AHNAK2: variants seen among roughly 807,000 people sequenced by gnomAD.
The protein encoded by AHNAK2 is AHNAK nucleoprotein 2.
Under a neutral mutation model 30.7 loss-of-function variants are expected in AHNAK2, and 18 were observed. That is an observed-to-expected ratio of 0.59 (90% CI 0.41 to 0.87). The LOEUF (loss-of-function observed/expected upper bound fraction) is 0.87, where lower values mean the gene tolerates loss of function less well. Among genes scored for constraint, AHNAK2 ranks in the 40% least tolerant of loss-of-function variants. AHNAK2 has a pLI of 0.00. For synonymous variants in AHNAK2, 3,590 were observed against 3,073.8 expected (o/e 1.17, Z -5.56); for missense variants, 8,604 against 7,373.0 (o/e 1.17, Z -6.11).
At chr14:104,965,545 C>T (rs754439622) in intron 1 of AHNAK2, among the ~76,000 whole-genome samples, 1 of 152,196 alleles carries the variant, frequency 6.6e-6, no homozygotes, top group Non-Finnish European at 1.5e-5. Flanking sequence ...ACCAATCTTA[C>T]GCCAACTCTG....
At position 104,956,570 on chromosome 14, in the gene AHNAK2, A is replaced by C. The variant is rs371076298; in HGVS notation, c.315+18T>G. 6.1e-5 allele frequency: 98 copies of C among 1,612,870 alleles called. No individual in the cohort carries two copies. In the African/African-American group the frequency reaches 1.3e-3, roughly 21 times the overall value. ...GGACCGACACACCTCTGTGACCCTC[A>C]GCTCCTGCTGTACCCACCTCTGGAC... On this transcript the variant is annotated intron_variant, in intron 4 of 6. Transcript: ENST00000333244.
chr14:104,968,284 G>A (rs1000435007), intron 1 of AHNAK2, among the ~76,000 whole-genome samples: 1 of 152,206 alleles, frequency 6.6e-6, no homozygotes, highest in Non-Finnish European at 1.5e-5. Context: ...AGCCGCAGAG[G>A]ACACCCACCC....
Position 104,953,797 on chromosome 14 carries a change from C to T in AHNAK2, c.1654G>A (p.Asp552Asn), listed in dbSNP as rs45448397. 7.2e-3 allele frequency: 11,678 copies of T among 1,613,990 alleles called. 103 individuals carry two copies. Among genetic ancestry groups the T allele is most frequent in the Middle Eastern group, 0.04 (243 of 6,062 alleles). Reference protein sequence around the residue: ...EPTTHAEAQGDEGDGEEGLQR... With the variant: ...EPTTHAEAQGNEGDGEEGLQR... ...AGTCCTTCCTCTCCATCTCCTTCAT[C>T]CCCCTGTGCTTCTGCATGTGTGGTT... Residue 552 changes from aspartate (D) to asparagine (N), a missense_variant, in exon 7 of 7, where the codon GAT becomes AAT. Asp to Asn is a conservative substitution (Grantham distance 23). Transcript: ENST00000333244.
rs185696724 is a variant in AHNAK2 at position 104,951,083 on chromosome 14, C to T, written c.4368G>A (p.Leu1456=). The change falls in exon 7 of 7, where the codon CTG becomes CTA. Residue 1456 remains leucine (L), a synonymous_variant. Transcript: ENST00000333244. ...CCTCGACATCCACCTCCACGCTGGG[C>T]AGAGAAACCTCCACATCAGGGGCTG... ...EVTAPDVEVS[L]PSVEVDVEAP... The T allele has an allele frequency of 3.0e-4, 319 of 1,064,994 alleles. 51 individuals are homozygous for T. In the East Asian group the frequency reaches 6.1e-3, roughly 20 times the overall value. 66.0% of individuals were successfully genotyped at this position (1,064,994 alleles called of 1,614,324 possible).
chr14:104,956,705 T>A lies in AHNAK2; in HGVS notation c.214-16A>T, dbSNP rs1898986223. On this transcript the variant is annotated splice_polypyrimidine_tract_variant and intron_variant, in intron 3 of 6. Coordinates refer to ENST00000333244, the MANE Select transcript of AHNAK2 (RefSeq NM_138420.4). ...GGGCGTCTTCCTGCAGCCACAAGTG[T>A]TGGGAGTTAGGCACCTGCCCCAGCT... The A allele has an allele frequency of 6.2e-7, 1 of 1,612,820 alleles. No homozygotes were observed. Among genetic ancestry groups the A allele is most frequent in the Admixed American group, 1.7e-5 (1 of 59,992 alleles).
intron 1 of AHNAK2, 63 bp from the exon 2 acceptor site, chr14:104,957,735 G>T: frequency 6.6e-7 from 1 of 1,514,982 alleles, no homozygotes; most frequent in South Asian, 1.2e-5. Flanking sequence ...GGGCCCGGGG[G>T]AGGGAGCCAG....
Position 104,943,543 on chromosome 14 carries a change from T to C in AHNAK2, c.11908A>G (p.Met3970Val), listed in dbSNP as rs769775383. The C allele has an allele frequency of 6.2e-7, 1 of 1,612,728 alleles. No individual in the cohort carries two copies. The highest frequency in any genetic ancestry group is 8.5e-7 in the Non-Finnish European group (1 of 1,179,450). The change falls in exon 7 of 7, where the codon ATG becomes GTG. Residue 3970 changes from methionine to valine, a missense_variant. Coordinates refer to ENST00000333244, the MANE Select transcript of AHNAK2 (RefSeq NM_138420.4). ...AACGACGGCATCTTGAACTTGGGCA[T>C]TTTGAACTTGCTGTCTTTGGCCGTC... is the stretch of plus-strand genomic sequence containing the variant. ...DMTAKDSKFKMPKFKMPSFGV... is the reference protein window; with the variant it reads ...DMTAKDSKFKVPKFKMPSFGV...
intron 1 of AHNAK2, among the ~76,000 whole-genome samples, chr14:104,967,762 AG>A (rs1452328598): frequency 6.6e-6 from 1 of 152,208 alleles, no homozygotes; most frequent in East Asian, 1.9e-4. Context: ...ACAAACAGGA[AG>A]GGGGAAATCC....
In AHNAK2 at chr14:104,962,892, C is replaced by T. The variant is rs569026325; in HGVS notation, c.56-5220G>A. Among the ~76,000 whole-genome samples the T allele has an allele frequency of 1.4e-4, 22 of 152,274 alleles. No homozygotes were observed. The South Asian group carries it at 4.4e-3, about 30-fold the overall frequency. On this transcript the variant is annotated intron_variant, in intron 1 of 6. Coordinates refer to ENST00000333244, the MANE Select transcript of AHNAK2 (RefSeq NM_138420.4). ...ATGAATCATAGAGGGGAATGTAAAACCAAAAACTATAAAACTTCTAGAAGA... is the reference window on the plus strand; with the variant it reads ...ATGAATCATAGAGGGGAATGTAAAATCAAAAACTATAAAACTTCTAGAAGA...
intron 1 of AHNAK2, among the ~76,000 whole-genome samples, chr14:104,975,977 G>A (rs112474143): frequency 2.0e-5 from 3 of 152,172 alleles, no homozygotes; most frequent in Non-Finnish European, 1.5e-5. Flanking sequence ...GACCCCCACC[G>A]CAGAGAAGAG....
At position 104,949,406 on chromosome 14, in the gene AHNAK2, T is replaced by G. The variant is rs370295138; in HGVS notation, c.6045A>C (p.Ala2015=). Reference sequence around the variant, plus strand: ...GACTCACGTCGGCCTCCACCTTGGGTGCAGGCACATCCACCGAGGCCTCGA... The same window carrying G: ...GACTCACGTCGGCCTCCACCTTGGGGGCAGGCACATCCACCGAGGCCTCGA... ...RSIEASVDVP[A]PKVEADVSLP... is the part of the protein sequence containing the mutation. The change falls in exon 7 of 7, where the codon GCA becomes GCC. Residue 2015 remains alanine (A), a synonymous_variant. Transcript: ENST00000333244. 1 of 1,577,720 alleles carries G rather than the reference T, an allele frequency of 6.3e-7. No individual in the cohort carries two copies. The highest frequency in any genetic ancestry group is 8.6e-7 in the Non-Finnish European group (1 of 1,157,354).
rs1035600559 is a variant in AHNAK2, at chr14:104,938,013, C to T, written c.*50G>A. The T allele has an allele frequency of 1.9e-6, 3 of 1,569,318 alleles. No homozygotes were observed. Among genetic ancestry groups the T allele is most frequent in the Non-Finnish European group, 2.6e-6 (3 of 1,156,000 alleles). The stretch of plus-strand genomic sequence containing the variant: ...GCTCCATATGTGTGTGTAGCCTTTA[C>T]TTTCCAACTTAGTTTTTTGCATCTC... On this transcript the variant is annotated 3_prime_UTR_variant, in exon 7 of 7. Coordinates refer to ENST00000333244, the MANE Select transcript of AHNAK2 (RefSeq NM_138420.4).
rs199934540 is a variant in AHNAK2, at chr14:104,949,919, G to C, written c.5532C>G (p.Ala1844=). Residue 1844 remains alanine (A), a synonymous_variant, in exon 7 of 7, where the codon GCC becomes GCG. Coordinates refer to ENST00000333244, the MANE Select transcript of AHNAK2 (RefSeq NM_138420.4). ...CCTTCGGCGCAGACACATCCACCGA[G>C]GCCTCGATGGACTTGCCTGGGGCAG... The part of the protein sequence containing the change: ...GVSAPGKSIE[A]SVDVSAPKVE... 444 of 1,589,446 alleles carry C rather than the reference G, an allele frequency of 2.8e-4. 18 individuals carry two copies. In the Middle Eastern group the frequency reaches 4.1e-3, roughly 15 times the overall value.
Position 104,946,764 on chromosome 14 carries a change from A to C in AHNAK2, c.8687T>G (p.Leu2896Arg). The C allele has an allele frequency of 1.2e-6, 2 of 1,612,756 alleles. No individual in the cohort carries two copies. Among genetic ancestry groups the C allele is most frequent in the Non-Finnish European group, 1.7e-6 (2 of 1,179,588 alleles). ...GAAACTGGGCATCTGCACCTTGGGC[A>C]GGTGCCCTTTGAGGCCGGCTCCCTC... ...VPEGAGLKGH[L>R]PKVQMPSFKM... is the part of the protein sequence containing the mutation. The change falls in exon 7 of 7, where the codon CTG becomes CGG. Residue 2896 changes from leucine to arginine, a missense_variant. Leu to Arg is a moderately radical substitution (Grantham distance 102). Coordinates refer to ENST00000333244, the MANE Select transcript of AHNAK2 (RefSeq NM_138420.4).
Position 104,947,743 on chromosome 14 carries a change from G to C in AHNAK2, c.7708C>G (p.Gln2570Glu), listed in dbSNP as rs767824522. ...TCAGGCATCTTGAAACTGGGCATCT[G>C]CACCTTGGGCAGGTGCCCTTTGAGG... ...AGLKGHLPKVQMPSFKMPEMD... is the reference protein window; with the variant it reads ...AGLKGHLPKVEMPSFKMPEMD... The change falls in exon 7 of 7, where the codon CAG (glutamine) becomes GAG (glutamate). Residue 2570 changes from glutamine to glutamate, a missense_variant. Physicochemically the swap from Gln to Glu is conservative, Grantham distance 29. Transcript: ENST00000333244. 6 of 1,612,568 alleles carry C rather than the reference G, an allele frequency of 3.7e-6. No homozygotes were observed. In the African/African-American group the frequency reaches 5.4e-5, roughly 14 times the overall value.
chr14:104,942,461 A>G lies in AHNAK2; in HGVS notation c.12990T>C (p.Ala4330=), dbSNP rs112295739. 2.4e-3 allele frequency: 3,931 copies of G among 1,608,428 alleles called. 32 individuals carry two copies. Among genetic ancestry groups the G allele is most frequent in the South Asian group, 0.016 (1,453 of 90,786 alleles). The change falls in exon 7 of 7, where the codon GCT becomes GCC. Residue 4330 remains alanine (A), a synonymous_variant. Transcript: ENST00000333244. ...CCTGCATGGAGGGGAGGCTCACGTC[A>G]GCCTCCACCTTCAGCGCAGACACAT... ...SLDVSALKVE[A]DVSLPSMQGD...
intron 1 of AHNAK2, among the ~76,000 whole-genome samples, chr14:104,970,850 T>C (rs1899453956): frequency 6.6e-6 from 1 of 152,020 alleles, no homozygotes; most frequent in African/African-American, 2.4e-5. Flanking sequence ...GGCAGGTCCC[T>C]CCTAGGCAGG....
In AHNAK2 at chr14:104,944,800, C is replaced by A. The variant is rs199591478; in HGVS notation, c.10651G>T (p.Gly3551Cys). ...ACTTTGGGCAGGTGCCCTTTGAGGC[C>A]GGCTCCCTCGGGCACGGGGCCCTCC... ...LLEGPVPEGAGLKGHLPKVEM... is the reference protein window; with the variant it reads ...LLEGPVPEGACLKGHLPKVEM... The change falls in exon 7 of 7, where the codon GGC (glycine) becomes TGC (cysteine). Residue 3551 changes from glycine (G) to cysteine (C), a missense_variant. By Grantham distance (159) the Gly-to-Cys change is radical. Coordinates refer to ENST00000333244, the MANE Select transcript of AHNAK2 (RefSeq NM_138420.4). 5 of 1,612,856 alleles carry A rather than the reference C, an allele frequency of 3.1e-6. No individual in the cohort carries two copies. Among genetic ancestry groups the A allele is most frequent in the African/African-American group, 2.7e-5 (2 of 74,830 alleles).
In AHNAK2 at chr14:104,940,161, A is replaced by G; in HGVS notation, c.15290T>C (p.Leu5097Ser). Residue 5097 changes from leucine to serine, a missense_variant, in exon 7 of 7, where the codon TTG becomes TCG. Coordinates refer to ENST00000333244, the MANE Select transcript of AHNAK2 (RefSeq NM_138420.4). This position sits in a 1 kb window ranked among gnomAD's most constrained non-coding sequence, Gnocchi z 4.4. ...TCTGAGATCAGGTTTGGCAAAGCCC[A>G]AACTGGGAATGTGGACCTGTGGCCG... ...LHRPQVHIPS[L>S]GFAKPDLRSS... 6.2e-7 allele frequency: 1 copy of G among 1,613,536 alleles called. No homozygotes were observed. The highest frequency in any genetic ancestry group is 1.3e-5 in the African/African-American group (1 of 75,058).
Sources: gnomAD v4.1 joint callset for allele counts (sites outside exome capture counted in the v4.1 genomes callset) on GRCh38, gnomAD v4.1.1 for gene constraint, Gnocchi (gnomAD v3.1) non-coding constraint, MANE v1.5 for transcripts, NCBI Gene and HGNC (gene_info 2026-07-23, HGNC 2026-07-21) for gene names.